The following GRM7 variants were observed in gnomAD, a reference collection of about 807,000 sequenced individuals.
The protein encoded by GRM7 is metabotropic glutamate receptor 7.
Under a neutral mutation model 84.5 loss-of-function variants are expected in GRM7, and 35 were observed. The ratio of observed to expected loss-of-function variants is 0.41; its 90% confidence interval spans 0.32 to 0.55. The LOEUF is 0.55. GRM7 is among the 20% of genes least tolerant of loss of function. The pLI, the probability that GRM7 is intolerant of heterozygous loss-of-function variation, is 0.19. For missense variants in GRM7, 1,003 were observed against 1,194.6 expected, an observed-to-expected ratio of 0.84 and a Z score of 2.36; for synonymous variants, 487 against 455.1, an observed-to-expected ratio of 1.07 and a Z score of -0.89.
intron 8 of GRM7, among the ~76,000 whole-genome samples, chr3:7,612,256 T>A (rs1696881957): frequency 6.6e-6 from 1 of 152,234 alleles, no homozygotes; most frequent in South Asian, 2.1e-4. Flanking sequence ...TTAACCTCCC[T>A]GTCTCATCTA....
intron 2 of GRM7, among the ~76,000 whole-genome samples, chr3:7,157,495 T>C (rs191030020): frequency 1.3e-5 from 2 of 152,254 alleles, no homozygotes; most frequent in Admixed American, 6.5e-5. Flanking sequence ...GATTTTTTTT[T>C]CCTTCTTCTT....
intron 1 of GRM7, among the ~76,000 whole-genome samples, chr3:7,107,680 T>C (rs1169728257): frequency 2.6e-5 from 4 of 152,060 alleles, no homozygotes; most frequent in Admixed American, 2.0e-4. Flanking sequence ...TAGTTCATAA[T>C]GTACTTGATT....
intron 1 of GRM7, among the ~76,000 whole-genome samples, chr3:6,935,712 T>TTATTAC (rs547755528): frequency 3.3e-4 from 48 of 144,226 alleles, no homozygotes; most frequent in South Asian, 1.3e-3. Context: ...ATTATTATTA[T>TTATTAC]TGAGACAGAG....
At chr3:7,085,849 T>C (rs1458554804) in intron 1 of GRM7, among the ~76,000 whole-genome samples, 1 of 152,162 alleles carries the variant, frequency 6.6e-6, no homozygotes, top group Non-Finnish European at 1.5e-5. Flanking sequence ...GAAAATATTA[T>C]GGGCTGTTCA....
chr3:7,059,463 C>G (rs1574847005), intron 1 of GRM7, among the ~76,000 whole-genome samples: 1 of 151,678 alleles, frequency 6.6e-6, no homozygotes, highest in Admixed American at 6.6e-5. Context: ...AAAAGGGTAT[C>G]TAAACACATT....
intron 5 of GRM7, among the ~76,000 whole-genome samples, chr3:7,431,901 G>A (rs1186295900): frequency 6.7e-6 from 1 of 149,564 alleles, no homozygotes; most frequent in Non-Finnish European, 1.5e-5. Flanking sequence ...TAACTATTAA[G>A]GTTTAAATAC....
chr3:7,592,708 A>G (rs1695854742), intron 8 of GRM7, among the ~76,000 whole-genome samples: 1 of 152,204 alleles, frequency 6.6e-6, no homozygotes, highest in African/African-American at 2.4e-5. Flanking sequence ...ACCAGTAAAG[A>G]TTACACATTT....
intron 2 of GRM7, among the ~76,000 whole-genome samples, chr3:7,279,568 A>G (rs1699185805): frequency 6.6e-6 from 1 of 152,184 alleles, no homozygotes; most frequent in African/African-American, 2.4e-5. Flanking sequence ...ATGAGTAAGC[A>G]GAGGAAGTTC....
intron 7 of GRM7, among the ~76,000 whole-genome samples, chr3:7,550,209 G>T (rs532079380): frequency 7.3e-5 from 11 of 150,958 alleles, no homozygotes; most frequent in Admixed American, 2.0e-4. Context: ...AAACCTAAAA[G>T]GTAGAAAGCA....
At chr3:7,293,504 T>C (rs1378360658) in intron 2 of GRM7, among the ~76,000 whole-genome samples, 1 of 152,218 alleles carries the variant, frequency 6.6e-6, no homozygotes, top group Admixed American at 6.5e-5. Flanking sequence ...CTATCTGTCA[T>C]GGCTCTTCAG....
chr3:7,064,699 TG>T (rs1345056371), intron 1 of GRM7, among the ~76,000 whole-genome samples: 1 of 151,410 alleles, frequency 6.6e-6, no homozygotes, highest in Non-Finnish European at 1.5e-5. Flanking sequence ...TCTTTTCCTC[TG>T]GGTAGATACC....
chr3:7,405,165 C>G (rs1695621289), intron 4 of GRM7, among the ~76,000 whole-genome samples: 1 of 152,056 alleles, frequency 6.6e-6, no homozygotes, highest in Non-Finnish European at 1.5e-5. Flanking sequence ...TCTGAGAATA[C>G]CACTTTATAT....
At chr3:6,884,355 G>A (rs1405487925) in intron 1 of GRM7, 1 of 152,620 alleles carries the variant, frequency 6.6e-6, no homozygotes, top group African/African-American at 2.4e-5. Context: ...TGTATGATCA[G>A]CAAGTTAAAG....
At chr3:7,289,827 G>T (rs1490564291) in intron 2 of GRM7, among the ~76,000 whole-genome samples, 2 of 145,438 alleles carry the variant, frequency 1.4e-5, no homozygotes, top group African/African-American at 5.1e-5. Flanking sequence ...ATGGACACAG[G>T]AAGGGGAACA....
chr3:6,947,049 T>C (rs1218743663), intron 1 of GRM7, among the ~76,000 whole-genome samples: 1 of 152,240 alleles, frequency 6.6e-6, no homozygotes, highest in Non-Finnish European at 1.5e-5. Context: ...TTTATTTCCT[T>C]ATCCTGCCTG....
chr3:7,641,766 C>T (rs1194865988), intron 8 of GRM7, among the ~76,000 whole-genome samples: 1 of 152,126 alleles, frequency 6.6e-6, no homozygotes, highest in South Asian at 2.1e-4. Flanking sequence ...ACAAACAAAA[C>T]AAAAACAGGG....
chr3:7,313,814 G>A (rs1700489986), intron 4 of GRM7, among the ~76,000 whole-genome samples: 1 of 152,022 alleles, frequency 6.6e-6, no homozygotes, highest in Non-Finnish European at 1.5e-5. Context: ...AAATATCCAT[G>A]CAAGAATTGT....
chr3:7,731,352 T>G (rs1307670011), intron 9 of GRM7, among the ~76,000 whole-genome samples: 1 of 152,232 alleles, frequency 6.6e-6, no homozygotes, highest in Non-Finnish European at 1.5e-5. Context: ...CATATTTTTC[T>G]TTTGTTCTAT....
At chr3:6,995,873 A>G (rs1694807854) in intron 1 of GRM7, among the ~76,000 whole-genome samples, 1 of 152,164 alleles carries the variant, frequency 6.6e-6, no homozygotes, top group Admixed American at 6.5e-5. Context: ...TTTTAATAGT[A>G]ATTGAGTTCA....
Sources: allele counts gnomAD v4.1 joint callset (sites outside exome capture counted in the v4.1 genomes callset), GRCh38; gene constraint gnomAD v4.1.1; transcripts MANE v1.5; gene names NCBI Gene and HGNC (gene_info 2026-07-23, HGNC 2026-07-21).